Variants in PIEZO2 observed in about 807,000 individuals in gnomAD.
The protein encoded by PIEZO2 is piezo-type mechanosensitive ion channel component 2.
Under a neutral mutation model 337.3 loss-of-function variants are expected in PIEZO2, and 172 were observed. The ratio of observed to expected loss-of-function variants is 0.51; its 90% CI spans 0.45 to 0.58. The LOEUF (loss-of-function observed/expected upper bound fraction) is 0.58, where lower values mean the gene tolerates loss of function less well. Among genes scored for constraint, PIEZO2 ranks in the 20% least tolerant of loss-of-function variants. PIEZO2 has a pLI of 0.00. For missense variants in PIEZO2, 3,028 were observed against 3,391.3 expected (o/e 0.89, Z 2.66); for synonymous variants, 1,251 against 1,228.5 (o/e 1.02, Z -0.38).
Position 10,813,923 on chromosome 18 carries a change from T to C in PIEZO2, c.918-6649A>G, listed in dbSNP as rs774265721. ...AGCCTTGCCAAGTCTTGTTATTTTATGCTTTTCAGAGTAGTCATCCTAATA... is the reference window on the plus strand; with the variant it reads ...AGCCTTGCCAAGTCTTGTTATTTTACGCTTTTCAGAGTAGTCATCCTAATA... On this transcript the variant is annotated intron_variant, in intron 7 of 55. Coordinates refer to ENST00000674853, the MANE Select transcript of PIEZO2 (RefSeq NM_001378183.1). The surrounding 1 kb of genome is among the most constrained non-coding windows in gnomAD (Gnocchi z 4.2). Among the ~76,000 whole-genome samples, 15 of 152,144 alleles carry C rather than the reference T, an allele frequency of 9.9e-5. No homozygotes were observed. Among genetic ancestry groups the C allele is most frequent in the Non-Finnish European group, 2.1e-4 (14 of 68,032 alleles).
At chr18:11,019,074 C>T (rs1485534334) in intron 2 of PIEZO2, among the ~76,000 whole-genome samples, 1 of 152,162 alleles carries the variant, frequency 6.6e-6, no homozygotes, top group Non-Finnish European at 1.5e-5. Context: ...CTTACCTCCA[C>T]GATGTAACTT....
At chr18:10,849,126 C>T (rs1166481755) in intron 7 of PIEZO2, among the ~76,000 whole-genome samples, 1 of 152,206 alleles carries the variant, frequency 6.6e-6, no homozygotes, top group Admixed American at 6.5e-5. Context: ...AGCAAATCTG[C>T]CTCAGCATCC....
intron 10 of PIEZO2, 39 bp downstream of exon 10, chr18:10,801,351 T>C (rs544589606): frequency 2.1e-6 from 3 of 1,442,562 alleles, no homozygotes; most frequent in Non-Finnish European, 2.8e-6. Context: ...TTTACATCAC[T>C]TACACATGCA....
intron 36 of PIEZO2, chr18:10,725,229 C>T (rs1391117904): frequency 1.9e-6 from 3 of 1,567,114 alleles, no homozygotes; most frequent in African/African-American, 2.7e-5. Flanking sequence ...TTGGAACCTA[C>T]GAACACTTTG....
chr18:10,987,502 A>C (rs1216049984), intron 2 of PIEZO2, among the ~76,000 whole-genome samples: 1 of 152,122 alleles, frequency 6.6e-6, no homozygotes, highest in East Asian at 1.9e-4. Flanking sequence ...AAATTGGATT[A>C]CCATGTACAA....
Position 10,929,379 on chromosome 18 carries a change from C to T in PIEZO2, c.287-18151G>A, listed in dbSNP as rs544631567. On this transcript the variant is annotated intron_variant, in intron 3 of 55. Coordinates refer to ENST00000674853, the MANE Select transcript of PIEZO2 (RefSeq NM_001378183.1). This position sits in a 1 kb window ranked among gnomAD's most constrained non-coding sequence, Gnocchi z 5.6. The stretch of plus-strand genomic sequence containing the variant: ...ATTCATAATGCTATGAATTCCAGAC[C>T]AGCGCAAAGAAACTCCGAATTATTT... Among the ~76,000 whole-genome samples, 35 of 152,260 alleles carry T rather than the reference C, an allele frequency of 2.3e-4. No homozygotes were observed. Among genetic ancestry groups the T allele is most frequent in the Admixed American group, 3.9e-4 (6 of 15,302 alleles).
In PIEZO2 at chr18:11,016,033, C is replaced by T. The variant is rs886213346; in HGVS notation, c.161-36373G>A. On this transcript the variant is annotated intron_variant, in intron 2 of 55. Coordinates refer to ENST00000674853, the MANE Select transcript of PIEZO2 (RefSeq NM_001378183.1). This position sits in a 1 kb window ranked among gnomAD's most constrained non-coding sequence, Gnocchi z 5.6. ...GACATTCTCCCCTTTTCCTTGTTCT[C>T]CCTTTTCACCCTGGCCTCCTTCAGC... Among the ~76,000 whole-genome samples, 5 of 152,188 alleles carry T rather than the reference C, an allele frequency of 3.3e-5. No homozygotes were observed. Among genetic ancestry groups the T allele is most frequent in the Non-Finnish European group, 7.3e-5 (5 of 68,034 alleles).
intron 1 of PIEZO2, among the ~76,000 whole-genome samples, chr18:11,134,546 T>A (rs1458042120): frequency 2.0e-5 from 3 of 152,152 alleles, no homozygotes; most frequent in African/African-American, 7.2e-5. Context: ...CTTTTTATTG[T>A]TCTATCTGGT....
In PIEZO2 at chr18:10,702,030, T is replaced by C; in HGVS notation, c.6400A>G (p.Ile2134Val). Residue 2134 changes from isoleucine to valine, a missense_variant, in exon 43 of 56, where the codon ATC becomes GTC. This residue lies in a region of PIEZO2 where 1,925 missense variants were observed against 2,051.9 expected (regional missense o/e 0.94). Transcript: ENST00000674853. The part of the protein sequence containing the change: ...KKEGYVLYDL[I>V]QLLALFFHRS... ...TGAAAGAACAGAGCCAGGAGCTGGATGAGGTCATAGAGAACATAACCTTCC... is the reference window on the plus strand; with the variant it reads ...TGAAAGAACAGAGCCAGGAGCTGGACGAGGTCATAGAGAACATAACCTTCC... 6.5e-7 allele frequency: 1 copy of C among 1,534,762 alleles called. No homozygotes were observed. Among genetic ancestry groups the C allele is most frequent in the Admixed American group, 2.0e-5 (1 of 50,238 alleles).
At chr18:10,922,711 G>A (rs1235003163) in intron 3 of PIEZO2, among the ~76,000 whole-genome samples, 1 of 152,110 alleles carries the variant, frequency 6.6e-6, no homozygotes, top group Non-Finnish European at 1.5e-5. Flanking sequence ...CAGGCAGGCA[G>A]GGAGTTCAGG....
chr18:10,770,110 T>G (rs942059879), intron 21 of PIEZO2, 38 bp downstream of exon 21: 1 of 1,532,078 alleles, frequency 6.5e-7, no homozygotes, highest in African/African-American at 1.4e-5. Context: ...CCTACTGTGG[T>G]TCTGTTCAGC....
chr18:10,763,292 T>C (rs2038218058), intron 21 of PIEZO2, 194 bp from the exon 22 acceptor site: 1 of 595,062 alleles, frequency 1.7e-6, no homozygotes, highest in Non-Finnish European at 3.0e-6. Context: ...AAGGGCATTA[T>C]GTCTTGTATG....
At chr18:10,927,782 C>T (rs1446886520) in intron 3 of PIEZO2, among the ~76,000 whole-genome samples, 2 of 152,128 alleles carry the variant, frequency 1.3e-5, no homozygotes, top group Non-Finnish European at 2.9e-5. Context: ...CAGCTCAAAG[C>T]AAGCCAGACT....
intron 1 of PIEZO2, among the ~76,000 whole-genome samples, chr18:11,136,052 C>G (rs910492457): frequency 6.6e-6 from 1 of 152,144 alleles, no homozygotes; most frequent in African/African-American, 2.4e-5. Flanking sequence ...AATTTTGATA[C>G]CCAATTTAAG....
rs1009207450 is a variant in PIEZO2 at position 11,081,330 on chromosome 18, A to G, written c.65-15108T>C. Among the ~76,000 whole-genome samples the G allele has an allele frequency of 3.3e-5, 5 of 152,246 alleles. No individual in the cohort carries two copies. In the East Asian group the frequency reaches 9.6e-4, roughly 29 times the overall value. Reference sequence around the variant, plus strand: ...AGAAAGTGGAAAAATACACTTTCCAATGCCAATCATTAGGAAACATGGAAA... The same window carrying G: ...AGAAAGTGGAAAAATACACTTTCCAGTGCCAATCATTAGGAAACATGGAAA... On this transcript the variant is annotated intron_variant, in intron 1 of 55. Transcript: ENST00000674853.
intron 7 of PIEZO2, among the ~76,000 whole-genome samples, chr18:10,831,110 G>A (rs2040830571): frequency 6.6e-6 from 1 of 152,144 alleles, no homozygotes; most frequent in Admixed American, 6.5e-5. Flanking sequence ...ATGGAAAACA[G>A]TACGGAGGTT....
chr18:11,061,997 G>C (rs143794380), intron 2 of PIEZO2, among the ~76,000 whole-genome samples: 3 of 151,860 alleles, frequency 2.0e-5, no homozygotes, highest in Non-Finnish European at 4.4e-5. Context: ...CATGCTACCT[G>C]ACTTCGAACT....
chr18:10,788,427 A>G (rs866120124), intron 15 of PIEZO2, among the ~76,000 whole-genome samples: 53 of 123,948 alleles, frequency 4.3e-4, no homozygotes, highest in Middle Eastern at 4.9e-3. Flanking sequence ...AAAAAGAAAG[A>G]AAGGAAGGAA....
chr18:10,832,407 T>C (rs2040871186), intron 7 of PIEZO2, among the ~76,000 whole-genome samples: 1 of 152,160 alleles, frequency 6.6e-6, no homozygotes, highest in Admixed American at 6.5e-5. Context: ...TGATGGAGGC[T>C]CACATAGAGC....
Sources: allele counts gnomAD v4.1 joint callset (sites outside exome capture counted in the v4.1 genomes callset), GRCh38; gene constraint gnomAD v4.1.1; regional missense constraint gnomAD v4.1.1; non-coding constraint Gnocchi (gnomAD v3.1); transcripts MANE v1.5; gene names NCBI Gene and HGNC (gene_info 2026-07-23, HGNC 2026-07-21).